PCDH7: variants seen among roughly 807,000 people sequenced by gnomAD.
The protein encoded by PCDH7 is protocadherin 7, also known as protocadherin-7.
PCDH7 carries 17 observed loss-of-function variants against 58.9 expected under a neutral mutation model. That is an observed-to-expected ratio of 0.29 (90% CI 0.20 to 0.43). PCDH7 has a LOEUF of 0.43. PCDH7 is among the 20% of genes least tolerant of loss of function. The pLI is 1.00. For missense variants in PCDH7, 1,274 were observed against 1,441.0 expected (o/e 0.88, Z 1.88); for synonymous variants, 664 against 616.4 (o/e 1.08, Z -1.14).
downstream of PCDH7, among the ~76,000 whole-genome samples, chr4:30,734,110 G>A (rs1715906590): frequency 6.6e-6 from 1 of 151,824 alleles, no homozygotes; most frequent in African/African-American, 2.4e-5. Context: ...TCTTTTGGGA[G>A]CAATTCCACA....
At chr4:30,864,432 A>AACACACAC (rs5857208) in intron 1 of PCDH7, among the ~76,000 whole-genome samples, 2,076 of 146,620 alleles carry the variant, frequency 0.014, 22 homozygotes, top group African/African-American at 0.034. Context: ...ATTATTGGAG[A>AACACACAC]ACACACACAC....
intron 3 of PCDH7, among the ~76,000 whole-genome samples, chr4:30,977,294 A>G (rs534717505): frequency 6.6e-6 from 1 of 152,172 alleles, no homozygotes; most frequent in Non-Finnish European, 1.5e-5. Context: ...AATAAAAATT[A>G]TACTTAGAAG....
intron 1 of PCDH7, among the ~76,000 whole-genome samples, chr4:30,796,706 C>G (rs1322381338): frequency 6.6e-6 from 1 of 152,170 alleles, no homozygotes; most frequent in African/African-American, 2.4e-5. Flanking sequence ...TTTTAAATGT[C>G]TTGATTTAGA....
rs868805549 is a variant in PCDH7 at position 31,108,632 on chromosome 4, G to T, written c.*8-33841G>T. Among the ~76,000 whole-genome samples the T allele has an allele frequency of 5.3e-5, 8 of 152,208 alleles. No individual in the cohort carries two copies. In the Middle Eastern group the frequency reaches 0.014, roughly 259 times the overall value. On this transcript the variant is annotated intron_variant, in intron 3 of 3. Coordinates refer to the PCDH7 transcript ENST00000509759. ...AAGGCTCACAGCTGCTATTTTTATG[G>T]GGGAGAAAATTAATTGTAAGTGCAA...
chr4:30,792,222 G>A (rs935184629), intron 1 of PCDH7, among the ~76,000 whole-genome samples: 3 of 152,118 alleles, frequency 2.0e-5, no homozygotes, highest in Non-Finnish European at 2.9e-5. Context: ...AGAATGTTCA[G>A]TTTTGCTTGT....
chr4:30,891,722 G>A (rs1042452845), intron 1 of PCDH7, among the ~76,000 whole-genome samples: 1 of 151,362 alleles, frequency 6.6e-6, no homozygotes, highest in East Asian at 1.9e-4. Flanking sequence ...AAAACTGCTA[G>A]TTAATTACAT....
At chr4:30,733,923 T>TA (rs1715876891), downstream of PCDH7, among the ~76,000 whole-genome samples, 1 of 152,186 alleles carries the variant, frequency 6.6e-6, no homozygotes, top group African/African-American at 2.4e-5. Context: ...TTCATACTAC[T>TA]AAAAAATCAT....
intron 2 of PCDH7, among the ~76,000 whole-genome samples, chr4:30,926,845 C>T (rs979024163): frequency 6.6e-6 from 1 of 152,102 alleles, no homozygotes; most frequent in Non-Finnish European, 1.5e-5. Flanking sequence ...CAGGTGTACA[C>T]CTCCCTTTAA....
At position 30,928,363 on chromosome 4, in the gene PCDH7, T is replaced by C. The variant is rs149492154; in HGVS notation, c.287+7994T>C. On this transcript the variant is annotated intron_variant, in intron 2 of 3. Coordinates refer to the PCDH7 transcript ENST00000509759. The stretch of plus-strand genomic sequence containing the variant: ...TTAATAAGTAAAGTATTTTTTGCTT[T>C]GCTAATAAAGCAAAGTAGAACAATA... Among the ~76,000 whole-genome samples, 1,474 of 152,326 alleles carry C rather than the reference T, an allele frequency of 9.7e-3. 11 individuals are homozygous for C. Among genetic ancestry groups the C allele is most frequent in the Non-Finnish European group, 0.017 (1,139 of 68,032 alleles).
intron 3 of PCDH7, among the ~76,000 whole-genome samples, chr4:31,077,224 A>G (rs1759073840): frequency 6.6e-6 from 1 of 152,030 alleles, no homozygotes; most frequent in Non-Finnish European, 1.5e-5. Flanking sequence ...CAGCCTGACC[A>G]ACATGGAGAA....
intron 3 of PCDH7, among the ~76,000 whole-genome samples, chr4:31,012,819 C>T (rs73113470): frequency 0.11 from 17,060 of 150,172 alleles, 2,717 homozygotes; most frequent in African/African-American, 0.33. Flanking sequence ...GCCTGGGCAA[C>T]AAAGCGAGAG....
At chr4:30,894,463 G>GGA (rs1393250151) in intron 1 of PCDH7, among the ~76,000 whole-genome samples, 4 of 13,038 alleles carry the variant, frequency 3.1e-4, no homozygotes, top group Admixed American at 2.3e-3. Context: ...TTTCATTCAG[G>GGA]AAAAAAAAAA....
At chr4:30,876,524 A>G (rs1291085445) in intron 1 of PCDH7, among the ~76,000 whole-genome samples, 1 of 152,028 alleles carries the variant, frequency 6.6e-6, no homozygotes, top group East Asian at 1.9e-4. Context: ...TTGGAAGGAT[A>G]CTTTGTTATA....
intron 3 of PCDH7, among the ~76,000 whole-genome samples, chr4:31,096,134 G>T (rs901782499): frequency 6.6e-6 from 1 of 152,122 alleles, no homozygotes; most frequent in Non-Finnish European, 1.5e-5. Context: ...ATGTGCAAAA[G>T]ATGCCCCCTA....
rs139513837 is a variant in PCDH7, at chr4:30,889,462, A to G, written c.71-30691A>G. Among the ~76,000 whole-genome samples the G allele has an allele frequency of 2.6e-5, 4 of 152,342 alleles. No individual in the cohort carries two copies. In the East Asian group the frequency reaches 7.7e-4, roughly 29 times the overall value. ...AACTTTCATAGTGATGCTCAGCAGCATGAGACAATAATATTGCAATAAATT... is the reference window on the plus strand; with the variant it reads ...AACTTTCATAGTGATGCTCAGCAGCGTGAGACAATAATATTGCAATAAATT... On this transcript the variant is annotated intron_variant, in intron 1 of 3. Coordinates refer to the PCDH7 transcript ENST00000509759.
At chr4:30,953,634 T>C (rs181590189) in intron 3 of PCDH7, among the ~76,000 whole-genome samples, 1 of 151,992 alleles carries the variant, frequency 6.6e-6, no homozygotes, top group Admixed American at 6.6e-5. Flanking sequence ...AAAGGTGTGG[T>C]TTGTATAGGA....
intron 3 of PCDH7, among the ~76,000 whole-genome samples, chr4:30,990,814 T>G (rs1578503221): frequency 6.6e-6 from 1 of 152,292 alleles, no homozygotes; most frequent in East Asian, 1.9e-4. Context: ...ACAATCCAAA[T>G]TACCATCTTG....
chr4:30,726,140 T>A (rs1414598530), intron 1 of PCDH7, among the ~76,000 whole-genome samples: 1 of 152,096 alleles, frequency 6.6e-6, no homozygotes, highest in Admixed American at 6.5e-5. Context: ...ATTTTTGTGT[T>A]GTTTTGGTGC....
intron 1 of PCDH7, among the ~76,000 whole-genome samples, chr4:30,856,703 A>AT (rs1234243471): frequency 1.6e-4 from 24 of 148,600 alleles, no homozygotes; most frequent in East Asian, 7.8e-4. Flanking sequence ...GAAAAAAAAA[A>AT]AAAAATATAT....
Sources: gnomAD v4.1 joint callset for allele counts (sites outside exome capture counted in the v4.1 genomes callset) on GRCh38, gnomAD v4.1.1 for gene constraint, MANE v1.5 for transcripts, NCBI Gene and HGNC (gene_info 2026-07-23, HGNC 2026-07-21) for gene names.